Variants in NDST1 observed in about 807,000 individuals in gnomAD.
The protein encoded by NDST1 is N-deacetylase and N-sulfotransferase 1, also known as bifunctional heparan sulfate N-deacetylase/N-sulfotransferase 1.
Under a neutral mutation model 92.8 loss-of-function variants are expected in NDST1, and 35 were observed. That is an observed-to-expected ratio of 0.38 (90% CI 0.29 to 0.50). The LOEUF is 0.50. Ranked by LOEUF, NDST1 falls within the 20% of genes least tolerant of loss-of-function variation. The probability of loss-of-function intolerance (pLI) is 0.94; values close to 1 mark genes in which losing one functional copy is unlikely to be tolerated. For synonymous variants in NDST1, 493 were observed against 500.3 expected (o/e 0.99, Z 0.19); for missense variants, 822 against 1,182.7 (o/e 0.69, Z 4.47).
At chr5:150,506,584 A>T (rs1753469462), upstream of NDST1, among the ~76,000 whole-genome samples, 1 of 152,020 alleles carries the variant, frequency 6.6e-6, no homozygotes, top group South Asian at 2.1e-4. Flanking sequence ...CTTTAAAAGG[A>T]GCCTCTGTGA....
intron 1 of NDST1, among the ~76,000 whole-genome samples, chr5:150,512,608 C>G (rs1753778396): frequency 6.6e-6 from 1 of 152,250 alleles, no homozygotes. Context: ...TCAGCCTGGC[C>G]TCCCTTCCTC....
In NDST1 at chr5:150,553,876, T is replaced by G. The variant is rs1315450101; in HGVS notation, c.*544T>G. ...GGCCCCCTCAAGAGGACTCCCAGCC[T>G]CCACATCTGGTTCCTACCTTCACAT... On this transcript the variant is annotated 3_prime_UTR_variant, in exon 15 of 15. Coordinates refer to ENST00000261797, the MANE Select transcript of NDST1 (RefSeq NM_001543.5). The surrounding 1 kb of genome is among the most constrained non-coding windows in gnomAD (Gnocchi z 4.2). 4.7e-6 allele frequency: 2 copies of G among 429,696 alleles called. No individual in the cohort carries two copies. Among genetic ancestry groups the G allele is most frequent in the Non-Finnish European group, 8.2e-6 (2 of 243,792 alleles). 26.6% of individuals were successfully genotyped at this position (429,696 alleles called of 1,614,324 possible).
chr5:150,515,806 T>A (rs1753932215), intron 1 of NDST1, among the ~76,000 whole-genome samples: 1 of 152,112 alleles, frequency 6.6e-6, no homozygotes, highest in East Asian at 1.9e-4. Flanking sequence ...GTTACTTACC[T>A]CTTGAGCCAC....
intron 13 of NDST1, among the ~76,000 whole-genome samples, chr5:150,551,453 A>G (rs1156281164): frequency 6.6e-6 from 1 of 152,080 alleles, no homozygotes; most frequent in Admixed American, 6.5e-5. Flanking sequence ...TTCCCAGAAC[A>G]CTGAAGGATG....
At position 150,548,348 on chromosome 5, in the gene NDST1, C is replaced by T. The variant is rs1421034335; in HGVS notation, c.2276C>T (p.Thr759Ile). ...NRCLVPGWYA[T>I]HIERWLSAYH... ...TGCCTGGTCCCTGGCTGGTACGCCA[C>T]CCACATCGAGCGCTGGCTCAGTGCC... The change falls in exon 12 of 15, where the codon ACC becomes ATC. Residue 759 changes from threonine to isoleucine, a missense_variant. Coordinates refer to ENST00000261797, the MANE Select transcript of NDST1 (RefSeq NM_001543.5). The T allele has an allele frequency of 1.9e-6, 3 of 1,613,632 alleles. No individual in the cohort carries two copies. In the African/African-American group the frequency reaches 4.0e-5, roughly 22 times the overall value.
chr5:150,538,089 C>T lies in NDST1; in HGVS notation c.1438-1139C>T, dbSNP rs115677954. Among the ~76,000 whole-genome samples, 1,359 of 152,276 alleles carry T rather than the reference C, an allele frequency of 8.9e-3. 14 individuals carry two copies. The highest frequency in any genetic ancestry group is 0.031 in the African/African-American group (1,296 of 41,548). ...AGGTGGGCCTTCCTGGAATAAGCCACGCTGCCACATGAGGAAGAGCACTCA... is the reference window on the plus strand; with the variant it reads ...AGGTGGGCCTTCCTGGAATAAGCCATGCTGCCACATGAGGAAGAGCACTCA... On this transcript the variant is annotated intron_variant, in intron 6 of 14. Transcript: ENST00000261797.
upstream of NDST1, among the ~76,000 whole-genome samples, chr5:150,504,289 A>G (rs545138052): frequency 6.6e-6 from 1 of 152,168 alleles, no homozygotes; most frequent in Non-Finnish European, 1.5e-5. Context: ...GGTTCTGGAG[A>G]TGTTCCAAGG....
rs765517040 is a variant in NDST1 at position 150,532,972 on chromosome 5, C to T, written c.1036C>T (p.Arg346Cys). The T allele has an allele frequency of 4.3e-6, 7 of 1,614,218 alleles. No individual in the cohort carries two copies. The highest frequency in any genetic ancestry group is 1.6e-4 in the Middle Eastern group (1 of 6,062). ...CCTGTTTGACACACAGAACGAACTACGCGCACACATCCCAAACTTCACCTT... is the reference window on the plus strand; with the variant it reads ...CCTGTTTGACACACAGAACGAACTATGCGCACACATCCCAAACTTCACCTT... The part of the protein sequence containing the change: ...KALFDTQNEL[R>C]AHIPNFTFNL... The change falls in exon 4 of 15, where the codon CGC becomes TGC. Residue 346 changes from arginine (R) to cysteine (C), a missense_variant. Coordinates refer to ENST00000261797, the MANE Select transcript of NDST1 (RefSeq NM_001543.5).
chr5:150,523,753 C>G (rs1042556220), intron 2 of NDST1, among the ~76,000 whole-genome samples: 3 of 152,216 alleles, frequency 2.0e-5, no homozygotes, highest in East Asian at 1.9e-4. Context: ...TGGGCGCTGT[C>G]TGGCCCCAAT....
At chr5:150,527,738 G>C in intron 2 of NDST1, 66 bp from the exon 3 acceptor site, 1 of 1,602,940 alleles carries the variant, frequency 6.2e-7, no homozygotes, top group South Asian at 1.1e-5. Context: ...ACATGTGAGA[G>C]ACTGTGTCCT....
chr5:150,539,354 C>A lies in NDST1; in HGVS notation c.1564C>A (p.Pro522Thr). The A allele has an allele frequency of 1.9e-6, 3 of 1,614,070 alleles. No individual in the cohort carries two copies. The highest frequency in any genetic ancestry group is 2.5e-6 in the Non-Finnish European group (3 of 1,180,006). ...GELFLTVLLNPISIFMTHLSN... is the reference protein window; with the variant it reads ...GELFLTVLLNTISIFMTHLSN... Reference sequence around the variant, plus strand: ...GCTCTTCCTCACCGTGCTCCTCAATCCTGTGAGTGCTCCACAGCCCATGGC... The same window carrying A: ...GCTCTTCCTCACCGTGCTCCTCAATACTGTGAGTGCTCCACAGCCCATGGC... Residue 522 changes from proline (P) to threonine (T), a missense_variant and splice_region_variant, in exon 7 of 15, where the codon CCT (proline) becomes ACT (threonine). By Grantham distance (38) the Pro-to-Thr change is conservative. Transcript: ENST00000261797.
Position 150,549,713 on chromosome 5 carries a change from A to G in NDST1, c.2352A>G (p.Glu784=). The G allele has an allele frequency of 1.2e-6, 2 of 1,614,002 alleles. No individual in the cohort carries two copies. Among genetic ancestry groups the G allele is most frequent in the Non-Finnish European group, 1.7e-6 (2 of 1,179,916 alleles). ...LVLDGKLLRT[E]PAKVMDMVQK... is the part of the protein sequence containing the mutation. ...TGGATGGCAAACTGCTTCGCACAGA[A>G]CCTGCCAAAGTGATGGACATGGTGC... Residue 784 remains glutamate (E), a synonymous_variant, in exon 13 of 15, where the codon GAA becomes GAG. Coordinates refer to ENST00000261797, the MANE Select transcript of NDST1 (RefSeq NM_001543.5).
chr5:150,549,562 T>G, intron 12 of NDST1, 116 bp from the exon 13 acceptor site: 1 of 716,894 alleles, frequency 1.4e-6, no homozygotes, highest in Non-Finnish European at 2.6e-6. Context: ...GAGGAGCCAG[T>G]TCTAGAGGGT....
chr5:150,525,040 G>A (rs919775128), intron 2 of NDST1, among the ~76,000 whole-genome samples: 2 of 152,222 alleles, frequency 1.3e-5, no homozygotes. Flanking sequence ...TAATGGTGAG[G>A]TCTGTGCTTG....
upstream of NDST1, among the ~76,000 whole-genome samples, chr5:150,505,612 C>T (rs553280861): frequency 7.9e-5 from 12 of 152,108 alleles, no homozygotes; most frequent in East Asian, 1.5e-3. Context: ...TCACTGACAA[C>T]GTGGTGACTG....
At chr5:150,530,178 T>C (rs1754658138) in intron 3 of NDST1, among the ~76,000 whole-genome samples, 1 of 152,220 alleles carries the variant, frequency 6.6e-6, no homozygotes, top group Non-Finnish European at 1.5e-5. Context: ...GGTGCCAGGC[T>C]CAGCCCTCCA....
intron 1 of NDST1, among the ~76,000 whole-genome samples, chr5:150,509,763 C>T (rs1014837059): frequency 2.0e-5 from 3 of 152,202 alleles, no homozygotes; most frequent in African/African-American, 7.2e-5. Flanking sequence ...CCCGCCTCAG[C>T]CTCCCAAAGT....
At chr5:150,507,447 G>A (rs1040479222), upstream of NDST1, among the ~76,000 whole-genome samples, 2 of 152,216 alleles carry the variant, frequency 1.3e-5, no homozygotes, top group African/African-American at 4.8e-5. Flanking sequence ...CTGTGTGACC[G>A]TGGCCAAGTT....
At position 150,540,109 on chromosome 5, in the gene NDST1, A is replaced by T. The variant is rs1755177673; in HGVS notation, c.1594A>T (p.Asn532Tyr). 6.2e-7 allele frequency: 1 copy of T among 1,614,028 alleles called. No homozygotes were observed. Among genetic ancestry groups the T allele is most frequent in the Admixed American group, 1.7e-5 (1 of 60,004 alleles). Residue 532 changes from asparagine (N) to tyrosine (Y), a missense_variant, in exon 8 of 15, where the codon AAC (asparagine) becomes TAC (tyrosine). Transcript: ENST00000261797. ...CAGCATCTTCATGACGCACCTGTCCAACTATGGGAATGACCGCCTGGGCCT... is the reference window on the plus strand; with the variant it reads ...CAGCATCTTCATGACGCACCTGTCCTACTATGGGAATGACCGCCTGGGCCT... ...PISIFMTHLSNYGNDRLGLYT... is the reference protein window; with the variant it reads ...PISIFMTHLSYYGNDRLGLYT...
Sources: gnomAD v4.1 joint callset for allele counts (sites outside exome capture counted in the v4.1 genomes callset) on GRCh38, gnomAD v4.1.1 for gene constraint, Gnocchi (gnomAD v3.1) non-coding constraint, MANE v1.5 for transcripts, NCBI Gene and HGNC (gene_info 2026-07-23, HGNC 2026-07-21) for gene names.